The following TRIM58 variants were observed in gnomAD, a reference collection of about 807,000 sequenced individuals.
The protein encoded by TRIM58 is tripartite motif containing 58, also known as E3 ubiquitin-protein ligase TRIM58.
A neutral mutation model predicts 34.1 loss-of-function variants in TRIM58; 38 were observed. The ratio of observed to expected loss-of-function variants is 1.12; its 90% CI spans 0.86 to 1.46. TRIM58 has a LOEUF of 1.46. Among genes scored for constraint, TRIM58 ranks in the 40% most tolerant of loss-of-function variants. The pLI is 0.00. For synonymous variants in TRIM58, 273 were observed against 275.7 expected, an observed-to-expected ratio of 0.99 and a Z score of 0.10; for missense variants, 677 against 642.0, an observed-to-expected ratio of 1.05 and a Z score of -0.59.
In TRIM58 at chr1:247,876,121, G is replaced by T; in HGVS notation, c.1093G>T (p.Asp365Tyr). 6.2e-7 allele frequency: 1 copy of T among 1,614,126 alleles called. No individual in the cohort carries two copies. The highest frequency in any genetic ancestry group is 8.5e-7 in the Non-Finnish European group (1 of 1,180,012). ...AGAGTGGGGTTTAGGGGTCTGTCAA[G>T]ACACACTGCCAAGAAAGGGGGAAAC... is the stretch of plus-strand genomic sequence containing the variant. ...GAEWGLGVCQ[D>Y]TLPRKGETTP... Residue 365 changes from aspartate to tyrosine, a missense_variant, in exon 6 of 6, where the codon GAC becomes TAC. Asp to Tyr is a radical substitution (Grantham distance 160). Coordinates refer to ENST00000366481, the MANE Select transcript of TRIM58 (RefSeq NM_015431.4).
chr1:247,859,889 A>T (rs1439348443), intron 1 of TRIM58, among the ~76,000 whole-genome samples: 1 of 152,120 alleles, frequency 6.6e-6, no homozygotes, highest in Non-Finnish European at 1.5e-5. Context: ...ATGACATTTT[A>T]TCTAATATCA....
chr1:247,866,277 A>G (rs1663919580), intron 3 of TRIM58, among the ~76,000 whole-genome samples: 1 of 151,998 alleles, frequency 6.6e-6, no homozygotes, highest in Non-Finnish European at 1.5e-5. Flanking sequence ...CCTTGGCTCA[A>G]GCGATTCTCC....
intron 2 of TRIM58, among the ~76,000 whole-genome samples, chr1:247,861,201 C>T (rs1177938343): frequency 6.6e-6 from 1 of 151,886 alleles, no homozygotes; most frequent in East Asian, 1.9e-4. Flanking sequence ...CTTTTTATTC[C>T]ATGTTTCATT....
Position 247,876,133 on chromosome 1 carries a change from A to C in TRIM58, c.1105A>C (p.Arg369=). 1 of 1,614,156 alleles carries C rather than the reference A, an allele frequency of 6.2e-7. No homozygotes were observed. ...AGGGGTCTGTCAAGACACACTGCCA[A>C]GAAAGGGGGAAACCACGCCATCTCC... ...GLGVCQDTLP[R]KGETTPSPEN... is the part of the protein sequence containing the mutation. The change falls in exon 6 of 6, where the codon AGA becomes CGA. Residue 369 remains arginine (R), a synonymous_variant. Transcript: ENST00000366481.
In TRIM58 at chr1:247,857,636, G is replaced by A; in HGVS notation, c.390G>A (p.Ala130=). ...AGPEHRTHRT[A]PLQEAAGSYQ... ...CCGAGCACAGGACGCACCGCACGGC[G>A]CCGCTGCAGGAGGCCGCCGGCAGCT... Residue 130 remains alanine (A), a synonymous_variant, in exon 1 of 6, where the codon GCG becomes GCA. Coordinates refer to ENST00000366481, the MANE Select transcript of TRIM58 (RefSeq NM_015431.4). 1.6e-6 allele frequency: 2 copies of A among 1,238,976 alleles called. No homozygotes were observed. The highest frequency in any genetic ancestry group is 3.4e-5 in the South Asian group (1 of 29,304). The allele number at this position is 1,238,976 out of a possible 1,614,324, so 76.7% of individuals were successfully genotyped here. A position where few individuals can be genotyped will look rare whatever the true frequency, so the allele number is the denominator to read the frequency against.
At chr1:247,867,767 A>G in intron 3 of TRIM58, 78 bp from the exon 4 acceptor site, 7 of 1,558,234 alleles carry the variant, frequency 4.5e-6, no homozygotes, top group Non-Finnish European at 6.2e-6. Flanking sequence ...TTCTAAGGAA[A>G]TTTTTATGGG....
At chr1:247,868,266 T>C (rs1490812961) in intron 5 of TRIM58, among the ~76,000 whole-genome samples, 1 of 152,184 alleles carries the variant, frequency 6.6e-6, no homozygotes, top group Non-Finnish European at 1.5e-5. Context: ...GAGAGTGTGC[T>C]GTTGGTTTGT....
intron 5 of TRIM58, among the ~76,000 whole-genome samples, 158 bp downstream of exon 5, chr1:247,868,221 A>C (rs946421811): frequency 6.6e-6 from 1 of 152,174 alleles, no homozygotes; most frequent in Non-Finnish European, 1.5e-5. Context: ...CAGAACCTAA[A>C]GTCTTAGTGG....
At chr1:247,872,412 T>C (rs61855713) in intron 5 of TRIM58, among the ~76,000 whole-genome samples, 25,806 of 152,144 alleles carry the variant, frequency 0.17, 2,320 homozygotes, top group Admixed American at 0.19. Context: ...GCTGTTGGAT[T>C]ATATATGATG....
rs1448262073 is a variant in TRIM58 at position 247,877,198 on chromosome 1, C to T, written c.*709C>T. 5 of 151,586 alleles carry T rather than the reference C, an allele frequency of 3.3e-5. No homozygotes were observed. The highest frequency in any genetic ancestry group is 1.9e-4 in the East Asian group (1 of 5,194). The allele number at this position is 151,586 out of a possible 1,614,324, so 9.4% of individuals were successfully genotyped here. A position where few individuals can be genotyped will look rare whatever the true frequency, so the allele number is the denominator to read the frequency against. ...ATATCACTAACTCCTAGACTTTTTCCGTTTTCTTTGGATACACTTTAAGTA... is the reference window on the plus strand; with the variant it reads ...ATATCACTAACTCCTAGACTTTTTCTGTTTTCTTTGGATACACTTTAAGTA... On this transcript the variant is annotated 3_prime_UTR_variant, in exon 6 of 6. Coordinates refer to ENST00000366481, the MANE Select transcript of TRIM58 (RefSeq NM_015431.4).
rs1477333281 is a variant in TRIM58, at chr1:247,876,332, C to T, written c.1304C>T (p.Thr435Ile). 1.9e-6 allele frequency: 3 copies of T among 1,614,218 alleles called. No homozygotes were observed. Among genetic ancestry groups the T allele is most frequent in the South Asian group, 2.2e-5 (2 of 91,086 alleles). Residue 435 changes from threonine to isoleucine, a missense_variant, in exon 6 of 6, where the codon ACA (threonine) becomes ATA (isoleucine). Thr to Ile is a moderately conservative substitution (Grantham distance 89, BLOSUM62 -1). Coordinates refer to ENST00000366481, the MANE Select transcript of TRIM58 (RefSeq NM_015431.4). ...GTCACAGATGGATCTTATATCTACA[C>T]ATTCAACCAACTCTTCTCTGGTCTT... ...YNVTDGSYIY[T>I]FNQLFSGLLR... is the part of the protein sequence containing the mutation.
chr1:247,869,604 A>ACCAAATAC (rs1664013039), intron 5 of TRIM58, among the ~76,000 whole-genome samples: 1 of 152,224 alleles, frequency 6.6e-6, no homozygotes, highest in Non-Finnish European at 1.5e-5. Context: ...TGCACTGTAG[A>ACCAAATAC]CCAAATACGT....
At position 247,877,810 on chromosome 1, in the gene TRIM58, A is replaced by C. The variant is rs1349265648; in HGVS notation, c.*1321A>C. 1.3e-5 allele frequency: 2 copies of C among 152,172 alleles called. No individual in the cohort carries two copies. Among genetic ancestry groups the C allele is most frequent in the Non-Finnish European group, 2.9e-5 (2 of 68,012 alleles). The allele number at this position is 152,172 out of a possible 1,614,324, so 9.4% of individuals were successfully genotyped here. ...GTATATTCTGTACCTTTCCAACAAA[A>C]AGGTTAAAAGTCATTGAAGGCTAAC... is the stretch of plus-strand genomic sequence containing the variant. On this transcript the variant is annotated 3_prime_UTR_variant, in exon 6 of 6. Coordinates refer to ENST00000366481, the MANE Select transcript of TRIM58 (RefSeq NM_015431.4).
intron 5 of TRIM58, 80 bp downstream of exon 5, chr1:247,868,143 G>A: frequency 8.1e-7 from 1 of 1,227,134 alleles, no homozygotes; most frequent in Non-Finnish European, 1.2e-6. Context: ...TAGAGACTGG[G>A]AATGAGGCTG....
chr1:247,857,634 G>A lies in TRIM58; in HGVS notation c.388G>A (p.Ala130Thr), dbSNP rs1663668901. 5 of 1,240,310 alleles carry A rather than the reference G, an allele frequency of 4.0e-6. No individual in the cohort carries two copies. The highest frequency in any genetic ancestry group is 5.0e-6 in the Non-Finnish European group (5 of 993,090). The allele number at this position is 1,240,310 out of a possible 1,614,324, so 76.8% of individuals were successfully genotyped here. A position where few individuals can be genotyped will look rare whatever the true frequency, so the allele number is the denominator to read the frequency against. ...CCCCGAGCACAGGACGCACCGCACG[G>A]CGCCGCTGCAGGAGGCCGCCGGCAG... ...AGPEHRTHRT[A>T]PLQEAAGSYQ... is the part of the protein sequence containing the mutation. Residue 130 changes from alanine to threonine, a missense_variant, in exon 1 of 6, where the codon GCG becomes ACG. Transcript: ENST00000366481.
At position 247,879,438 on chromosome 1, in the gene TRIM58, T is replaced by A. The variant is rs1405571180; in HGVS notation, c.*2949T>A. 1.3e-5 allele frequency among the ~76,000 whole-genome samples: 2 copies of A among 152,082 alleles called. No homozygotes were observed. Among genetic ancestry groups the A allele is most frequent in the African/African-American group, 4.8e-5 (2 of 41,392 alleles). On this transcript the variant is annotated 3_prime_UTR_variant, in exon 6 of 6. Coordinates refer to ENST00000366481, the MANE Select transcript of TRIM58 (RefSeq NM_015431.4). ...GCTCTAGGCCCTTCCACTCCCATTC[T>A]CTCTACAGCAGCTGGGCTGATTCCT...
In TRIM58 at chr1:247,872,786, G is replaced by A. The variant is rs529215323; in HGVS notation, c.872-3114G>A. ...CTTGGGACTATAGGTTTCTCCAGTG[G>A]TGGTGGTGGAGGAGAAGAGAACAGC... On this transcript the variant is annotated intron_variant, in intron 5 of 5. Coordinates refer to ENST00000366481, the MANE Select transcript of TRIM58 (RefSeq NM_015431.4). 2.6e-5 allele frequency among the ~76,000 whole-genome samples: 4 copies of A among 152,282 alleles called. No individual in the cohort carries two copies. The East Asian group carries it at 7.7e-4, about 29-fold the overall frequency.
chr1:247,874,407 G>A (rs897440673), intron 5 of TRIM58, among the ~76,000 whole-genome samples: 1 of 152,102 alleles, frequency 6.6e-6, no homozygotes, highest in African/African-American at 2.4e-5. Flanking sequence ...TCATTCATGG[G>A]GGATCTGCAC....
In TRIM58 at chr1:247,875,943, C is replaced by T. The variant is rs59513666; in HGVS notation, c.915C>T (p.Leu305=). 0.01 allele frequency: 16,816 copies of T among 1,613,964 alleles called. 1,430 individuals carry two copies. In the African/African-American group the frequency reaches 0.19, roughly 18 times the overall value. Reference sequence around the variant, plus strand: ...CCGCCACGGCGCACCCGAGTCTGCTCTTGACCGCCGACCTGCGCAGTGTGC... The same window carrying T: ...CCGCCACGGCGCACCCGAGTCTGCTTTTGACCGCCGACCTGCGCAGTGTGC... ...LDPATAHPSL[L]LTADLRSVQD... The change falls in exon 6 of 6, where the codon CTC becomes CTT. Residue 305 remains leucine, a synonymous_variant. Coordinates refer to ENST00000366481, the MANE Select transcript of TRIM58 (RefSeq NM_015431.4).
Sources: allele counts gnomAD v4.1 joint callset (sites outside exome capture counted in the v4.1 genomes callset), GRCh38; gene constraint gnomAD v4.1.1; transcripts MANE v1.5; gene names NCBI Gene and HGNC (gene_info 2026-07-23, HGNC 2026-07-21).